Variants in HMGN5 observed in about 807,000 individuals in gnomAD.
The protein encoded by HMGN5 is high mobility group nucleosome binding domain 5.
Under a neutral mutation model 9.5 loss-of-function variants are expected in HMGN5, and 4 were observed. That is an observed-to-expected ratio of 0.42 (90% CI 0.21 to 0.96). The LOEUF (loss-of-function observed/expected upper bound fraction) is 0.96. HMGN5 is among the 40% of genes least tolerant of loss of function. The pLI is 0.30. For synonymous variants in HMGN5, 55 were observed against 57.1 expected (o/e 0.96, Z 0.16); for missense variants, 192 against 187.5 (o/e 1.02, Z -0.14).
At chrX:81,147,292 T>A (rs750475244) in intron 1 of HMGN5, among the ~76,000 whole-genome samples, 2 of 111,606 alleles carry the variant, frequency 1.8e-5, no homozygotes, top group Non-Finnish European at 3.8e-5. Flanking sequence ...AAAAAGCTTA[T>A]CCACCATGAT....
At chrX:81,116,048 G>T (rs2075252461) in intron 6 of HMGN5, among the ~76,000 whole-genome samples, 156 bp downstream of exon 6, 1 of 111,987 alleles carries the variant, frequency 8.9e-6, no homozygotes, top group Non-Finnish European at 1.9e-5. Context: ...CATATTTTAA[G>T]TTAATTTTAT....
intron 1 of HMGN5, among the ~76,000 whole-genome samples, chrX:81,199,742 G>T (rs2075519781): frequency 8.9e-6 from 1 of 112,163 alleles, no homozygotes; most frequent in Non-Finnish European, 1.9e-5. Flanking sequence ...ATGGATTAAA[G>T]ATTTAAATGT....
chrX:81,184,564 T>G (rs2075471915), intron 1 of HMGN5, among the ~76,000 whole-genome samples: 1 of 111,609 alleles, frequency 9.0e-6, no homozygotes, highest in South Asian at 3.7e-4. Context: ...ATTGATTTTT[T>G]TTTTTTGTTT....
chrX:81,167,831 G>A (rs984437647), intron 1 of HMGN5, among the ~76,000 whole-genome samples: 24 of 111,893 alleles, frequency 2.1e-4, no homozygotes, highest in African/African-American at 7.8e-4. Flanking sequence ...AGCAATGGCT[G>A]TGACTATTAA....
intron 1 of HMGN5, among the ~76,000 whole-genome samples, chrX:81,177,841 G>T (rs2075447948): frequency 9.0e-6 from 1 of 111,681 alleles, no homozygotes; most frequent in Admixed American, 9.5e-5. Flanking sequence ...AAATGTAAAA[G>T]AACAGAAATC....
chrX:81,118,846 A>G, intron 3 of HMGN5, 87 bp from the exon 4 acceptor site: 5 of 570,190 alleles, frequency 8.8e-6, no homozygotes. Flanking sequence ...TATTTGGTGT[A>G]ACAATACATA....
intron 1 of HMGN5, among the ~76,000 whole-genome samples, chrX:81,170,193 G>A (rs1486240725): frequency 1.8e-5 from 2 of 110,355 alleles, no homozygotes; most frequent in Non-Finnish European, 3.8e-5. Flanking sequence ...ACAGCAAGGA[G>A]AAGAAAATAA....
rs1423864127 is a variant in HMGN5 at position 81,143,550 on chromosome X, A to C, written c.-123-21878T>G. ...CCAAAGCAGAATGGGGCATTGCCTCACCCGGGAAATGCAAGGGGTCAGGGG... is the reference window on the plus strand; with the variant it reads ...CCAAAGCAGAATGGGGCATTGCCTCCCCCGGGAAATGCAAGGGGTCAGGGG... On this transcript the variant is annotated intron_variant, in intron 1 of 6. Coordinates refer to ENST00000358130, the MANE Select transcript of HMGN5 (RefSeq NM_030763.3). 4.5e-5 allele frequency among the ~76,000 whole-genome samples: 5 copies of C among 112,249 alleles called. No homozygotes were observed. The Admixed American group carries it at 4.7e-4, about 11-fold the overall frequency.
At chrX:81,166,186 C>T (rs1257529620) in intron 1 of HMGN5, among the ~76,000 whole-genome samples, 1 of 111,058 alleles carries the variant, frequency 9.0e-6, no homozygotes, top group Admixed American at 9.7e-5. Context: ...TTAATAGCGA[C>T]TGATCTAGGA....
chrX:81,173,001 T>G (rs1298179127), intron 1 of HMGN5, among the ~76,000 whole-genome samples: 1 of 111,488 alleles, frequency 9.0e-6, no homozygotes, highest in Non-Finnish European at 1.9e-5. Context: ...ACAAATGAAT[T>G]TGTTCGAGTC....
At position 81,116,293 on chromosome X, in the gene HMGN5, C is replaced by A; in HGVS notation, c.178G>T (p.Ala60Ser). ...DMMEENIDTSAQAVAETKQEA... is the reference protein window; with the variant it reads ...DMMEENIDTSSQAVAETKQEA... Reference sequence around the variant, plus strand: ...TGCTTGGTTTCAGCAACTGCTTGGGCACTTGTATCTATGTTTTCTTCCATC... The same window carrying A: ...TGCTTGGTTTCAGCAACTGCTTGGGAACTTGTATCTATGTTTTCTTCCATC... Residue 60 changes from alanine to serine, a missense_variant, in exon 6 of 7, where the codon GCC becomes TCC. Transcript: ENST00000358130. 8.4e-7 allele frequency: 1 copy of A among 1,191,623 alleles called. No individual in the cohort carries two copies. The highest frequency in any genetic ancestry group is 1.1e-6 in the Non-Finnish European group (1 of 878,519).
chrX:81,153,944 C>A (rs954373454), intron 1 of HMGN5, among the ~76,000 whole-genome samples: 3 of 108,349 alleles, frequency 2.8e-5, no homozygotes, highest in Non-Finnish European at 5.7e-5. Flanking sequence ...CCACACTACC[C>A]TAAGCAATCT....
intron 1 of HMGN5, among the ~76,000 whole-genome samples, chrX:81,154,378 A>T (rs989212178): frequency 3.6e-5 from 4 of 111,465 alleles, no homozygotes; most frequent in Non-Finnish European, 7.5e-5. Context: ...TGGATTAAAG[A>T]CTTAAATCTG....
rs1461692322 is a variant in HMGN5 at position 81,173,054 on chromosome X, T to G, written c.-124+28683A>C. Among the ~76,000 whole-genome samples, 3 of 111,344 alleles carry G rather than the reference T, an allele frequency of 2.7e-5. No homozygotes were observed. The Admixed American group carries it at 2.9e-4, about 11-fold the overall frequency. On this transcript the variant is annotated intron_variant, in intron 1 of 6. Coordinates refer to ENST00000358130, the MANE Select transcript of HMGN5 (RefSeq NM_030763.3). ...TTATGTCTACAGATATACCTGTGTA[T>G]GCATATATACAAAACTTTTTATTGG... is the stretch of plus-strand genomic sequence containing the variant.
At chrX:81,194,761 G>A (rs1052658328) in intron 1 of HMGN5, among the ~76,000 whole-genome samples, 2 of 111,717 alleles carry the variant, frequency 1.8e-5, no homozygotes, top group Admixed American at 1.9e-4. Context: ...TAGAGAAACA[G>A]GAAATACTAA....
chrX:81,151,374 G>C (rs1278459363), intron 1 of HMGN5, among the ~76,000 whole-genome samples: 1 of 111,553 alleles, frequency 9.0e-6, no homozygotes, highest in Non-Finnish European at 1.9e-5. Flanking sequence ...TTTGAAGTCA[G>C]GTAGCATGAT....
At chrX:81,198,977 T>C (rs151281646) in intron 1 of HMGN5, among the ~76,000 whole-genome samples, 2,138 of 111,359 alleles carry the variant, frequency 0.019, 47 homozygotes, top group African/African-American at 0.066. Flanking sequence ...ACTTAGAAAA[T>C]CCCATTGTTT....
chrX:81,141,235 G>C (rs1182669029), intron 1 of HMGN5, among the ~76,000 whole-genome samples: 3 of 111,928 alleles, frequency 2.7e-5, no homozygotes, highest in Non-Finnish European at 5.6e-5. Context: ...CCTGGGGGAA[G>C]TCTTCACCCT....
intron 1 of HMGN5, among the ~76,000 whole-genome samples, chrX:81,176,618 G>A (rs1475362093): frequency 9.0e-6 from 1 of 111,675 alleles, no homozygotes; most frequent in Admixed American, 9.5e-5. Context: ...GCAAACCATG[G>A]CATGAGAACT....
Sources: allele counts gnomAD v4.1 joint callset (sites outside exome capture counted in the v4.1 genomes callset), GRCh38; gene constraint gnomAD v4.1.1; transcripts MANE v1.5; gene names NCBI Gene and HGNC (gene_info 2026-07-23, HGNC 2026-07-21).